PREP: variants seen among roughly 807,000 people sequenced by gnomAD.
The protein encoded by PREP is prolyl endopeptidase, also known as dJ355L5.1 (prolyl endopeptidase).
Under a neutral mutation model 87.6 loss-of-function variants are expected in PREP, and 29 were observed. That is an observed-to-expected ratio of 0.33 (90% CI 0.25 to 0.45). The LOEUF (loss-of-function observed/expected upper bound fraction) is 0.45. Ranked by LOEUF, PREP falls within the 20% of genes least tolerant of loss-of-function variation. The pLI is 1.00. For synonymous variants in PREP, 337 were observed against 328.6 expected (o/e 1.03, Z -0.28); for missense variants, 695 against 886.5 (o/e 0.78, Z 2.74).
chr6:105,317,286 A>T (rs1770899436), intron 10 of PREP, among the ~76,000 whole-genome samples: 1 of 152,036 alleles, frequency 6.6e-6, no homozygotes, highest in African/African-American at 2.4e-5. Flanking sequence ...GTGAAAAAAA[A>T]ATCCTGAGCT....
chr6:105,343,076 C>T (rs548281749), intron 7 of PREP, among the ~76,000 whole-genome samples: 15 of 152,330 alleles, frequency 9.8e-5, no homozygotes, highest in African/African-American at 3.6e-4. Flanking sequence ...CAAGACAATC[C>T]TAAGCCAAAA....
At position 105,301,852 on chromosome 6, in the gene PREP, G is replaced by GT. The variant is rs1415290373; in HGVS notation, c.1318-12959dup. On this transcript the variant is annotated intron_variant, in intron 10 of 14. Coordinates refer to ENST00000652536, the MANE Select transcript of PREP (RefSeq NM_002726.5). ...CCAGCTCTCTAAGGCTCAGCCATCTGTTTTTTGGAATAATACGCCTTTTCC... is the reference window on the plus strand; with the variant it reads ...CCAGCTCTCTAAGGCTCAGCCATCTGTTTTTTTGGAATAATACGCCTTTTCC... 6.6e-5 allele frequency among the ~76,000 whole-genome samples: 10 copies of GT among 152,324 alleles called. No homozygotes were observed. In the East Asian group the frequency reaches 1.2e-3, roughly 18 times the overall value.
intron 7 of PREP, 134 bp from the exon 8 acceptor site, chr6:105,333,639 G>C (rs1479488904): frequency 3.2e-6 from 3 of 923,830 alleles, no homozygotes; most frequent in Non-Finnish European, 4.9e-6. Flanking sequence ...TCTAGGGCAT[G>C]AAAAGGAGCA....
intron 6 of PREP, among the ~76,000 whole-genome samples, chr6:105,368,462 A>T (rs936489973): frequency 2.0e-5 from 3 of 152,206 alleles, no homozygotes; most frequent in Non-Finnish European, 4.4e-5. Context: ...TTTAATGTAA[A>T]AACAAGTGAA....
chr6:105,344,491 CAAA>C (rs35275950), intron 7 of PREP, among the ~76,000 whole-genome samples: 4 of 103,380 alleles, frequency 3.9e-5, no homozygotes, highest in African/African-American at 3.1e-5. Flanking sequence ...GACTCCGTCT[CAAA>C]AAAAAAAAAA....
intron 7 of PREP, among the ~76,000 whole-genome samples, chr6:105,342,739 A>C (rs546022470): frequency 2.1e-5 from 3 of 144,492 alleles, no homozygotes; most frequent in Admixed American, 7.0e-5. Context: ...TACACCAATA[A>C]CAGACAGAGA....
rs190350423 is a variant in PREP at position 105,382,208 on chromosome 6, G to T, written c.121-4689C>A. Among the ~76,000 whole-genome samples, 33 of 151,390 alleles carry T rather than the reference G, an allele frequency of 2.2e-4. 1 individual carries two copies. Among genetic ancestry groups the T allele is most frequent in the Admixed American group, 2.0e-3 (30 of 15,156 alleles). ...AGTTAGACAGGAGAAATAAGTTCAA[G>T]AGATCTATTGTACAACATGGTAACT... On this transcript the variant is annotated intron_variant, in intron 2 of 14. Coordinates refer to ENST00000652536, the MANE Select transcript of PREP (RefSeq NM_002726.5).
intron 12 of PREP, among the ~76,000 whole-genome samples, chr6:105,283,184 T>C (rs1219445228): frequency 6.6e-6 from 1 of 152,198 alleles, no homozygotes; most frequent in South Asian, 2.1e-4. Flanking sequence ...GGTGGTGAGG[T>C]AGCGTTGCGG....
intron 2 of PREP, among the ~76,000 whole-genome samples, chr6:105,379,188 T>C (rs1052521184): frequency 1.3e-5 from 2 of 152,336 alleles, no homozygotes; most frequent in East Asian, 1.9e-4. Flanking sequence ...TCACTAGGGA[T>C]TGGCAATCTT....
chr6:105,302,856 A>C, intron 10 of PREP: 1 of 335,838 alleles, frequency 3.0e-6, no homozygotes, highest in Non-Finnish European at 5.8e-6. Flanking sequence ...GCCTGCTCCG[A>C]GGGCTAAATA....
intron 9 of PREP, 53 bp from the exon 10 acceptor site, chr6:105,323,821 G>C: frequency 6.9e-7 from 1 of 1,447,812 alleles, no homozygotes; most frequent in South Asian, 1.1e-5. Flanking sequence ...TAGATTCAAA[G>C]GGGGCAAGGA....
chr6:105,293,504 T>A (rs971764987), intron 10 of PREP, among the ~76,000 whole-genome samples: 1 of 150,740 alleles, frequency 6.6e-6, no homozygotes, highest in Non-Finnish European at 1.5e-5. Context: ...TTGAGAATTA[T>A]CAAAATGTGA....
Position 105,277,560 on chromosome 6 carries a change from CAGAGTGGA to C in PREP, c.*576_*583del, listed in dbSNP as rs1373331773. Reference sequence around the variant, plus strand: ...CTAACAAACAAACAAACAAGGGAGACAGAGTGGATGAACAACTTATTTTCAAAGCTAAC... The same window carrying C: ...CTAACAAACAAACAAACAAGGGAGACTGAACAACTTATTTTCAAAGCTAAC... On this transcript the variant is annotated 3_prime_UTR_variant, in exon 15 of 15. Transcript: ENST00000652536. The C allele has an allele frequency of 6.5e-6, 1 of 152,964 alleles. No homozygotes were observed. Among genetic ancestry groups the C allele is most frequent in the African/African-American group, 2.4e-5 (1 of 41,362 alleles). 9.5% of individuals were successfully genotyped at this position (152,964 alleles called of 1,614,324 possible). A position where few individuals can be genotyped will look rare whatever the true frequency, so the allele number is the denominator to read the frequency against.
chr6:105,279,898 G>A lies in PREP; in HGVS notation c.1839-1460C>T, dbSNP rs3799991. Among the ~76,000 whole-genome samples, 1,314 of 152,272 alleles carry A rather than the reference G, an allele frequency of 8.6e-3. 52 individuals are homozygous for A. The East Asian group carries it at 0.12, about 14-fold the overall frequency. On this transcript the variant is annotated intron_variant, in intron 14 of 14. Transcript: ENST00000652536. ...TTTCAAATGAGTTTAAATAGGACTT[G>A]TTTCCTTACGTGCAAATTTTCTCTA...
chr6:105,308,165 GA>G (rs1487834996), intron 10 of PREP, among the ~76,000 whole-genome samples: 1 of 151,858 alleles, frequency 6.6e-6, no homozygotes, highest in African/African-American at 2.4e-5. Context: ...TTGAATGCAT[GA>G]AAGAAGCTAT....
chr6:105,386,659 A>G (rs998322745), intron 2 of PREP, among the ~76,000 whole-genome samples: 5 of 152,234 alleles, frequency 3.3e-5, no homozygotes, highest in African/African-American at 1.2e-4. Context: ...AATGAAAGGT[A>G]TTATAATTGT....
chr6:105,387,090 G>A (rs1347050802), intron 2 of PREP, among the ~76,000 whole-genome samples: 2 of 152,148 alleles, frequency 1.3e-5, no homozygotes, highest in Non-Finnish European at 2.9e-5. Flanking sequence ...GCGGATGCCT[G>A]TAGTCCCACC....
intron 2 of PREP, among the ~76,000 whole-genome samples, chr6:105,380,219 G>A (rs1413200649): frequency 6.6e-6 from 1 of 152,146 alleles, no homozygotes; most frequent in Non-Finnish European, 1.5e-5. Flanking sequence ...GAGCAACCAT[G>A]CAAGGTGGGG....
chr6:105,353,579 C>T (rs1366581055), intron 6 of PREP, among the ~76,000 whole-genome samples: 1 of 151,864 alleles, frequency 6.6e-6, no homozygotes, highest in Non-Finnish European at 1.5e-5. Context: ...CAAGACCAGC[C>T]TGGCCAACAT....
Sources: allele counts gnomAD v4.1 joint callset (sites outside exome capture counted in the v4.1 genomes callset), GRCh38; gene constraint gnomAD v4.1.1; transcripts MANE v1.5; gene names NCBI Gene and HGNC (gene_info 2026-07-23, HGNC 2026-07-21).